The following CCSER1 variants were observed in gnomAD, a reference collection of about 807,000 sequenced individuals.
The protein encoded by CCSER1 is serine-rich coiled-coil domain-containing protein 1.
In CCSER1, 41 loss-of-function variants were observed where a neutral mutation model predicts 82.0. The ratio of observed to expected loss-of-function variants is 0.50; its 90% CI spans 0.39 to 0.65. The LOEUF (loss-of-function observed/expected upper bound fraction) is 0.65. Ranked by LOEUF, CCSER1 falls within the 30% of genes least tolerant of loss-of-function variation. The probability of loss-of-function intolerance (pLI) is 0.00; values close to 1 mark genes in which losing one functional copy is unlikely to be tolerated. For synonymous variants in CCSER1, 414 were observed against 383.9 expected, an observed-to-expected ratio of 1.08 and a Z score of -0.92; for missense variants, 1,119 against 1,064.2, an observed-to-expected ratio of 1.05 and a Z score of -0.72.
intron 10 of CCSER1, among the ~76,000 whole-genome samples, chr4:91,262,140 C>T (rs535073821): frequency 1.2e-4 from 19 of 152,018 alleles, no homozygotes; most frequent in Non-Finnish European, 2.4e-4. Context: ...TGGTGAAGAA[C>T]AAGGGTCTGT....
At chr4:90,535,723 CT>C (rs958579243) in intron 5 of CCSER1, among the ~76,000 whole-genome samples, 32 of 151,434 alleles carry the variant, frequency 2.1e-4, no homozygotes, top group African/African-American at 6.8e-4. Flanking sequence ...ATCACTGAAA[CT>C]TTTTTTTTCT....
At chr4:90,671,170 G>A (rs1732727701) in intron 6 of CCSER1, among the ~76,000 whole-genome samples, 1 of 151,898 alleles carries the variant, frequency 6.6e-6, no homozygotes, top group African/African-American at 2.4e-5. Flanking sequence ...TGCTGATAAG[G>A]GTGATGGCTA....
At chr4:90,267,441 A>G (rs564163186) in intron 1 of CCSER1, among the ~76,000 whole-genome samples, 2 of 152,248 alleles carry the variant, frequency 1.3e-5, no homozygotes, top group East Asian at 3.9e-4. Flanking sequence ...AAAAGAACAC[A>G]AATCTGGCTG....
chr4:90,269,823 A>G (rs1395660160), intron 1 of CCSER1, among the ~76,000 whole-genome samples: 1 of 152,096 alleles, frequency 6.6e-6, no homozygotes, highest in Non-Finnish European at 1.5e-5. Flanking sequence ...AAATAAAACC[A>G]GAGATGAAAA....
At chr4:90,200,781 A>C (rs1165011635) in intron 1 of CCSER1, among the ~76,000 whole-genome samples, 1 of 151,980 alleles carries the variant, frequency 6.6e-6, no homozygotes, top group African/African-American at 2.4e-5. Context: ...ATTGCCTACT[A>C]ATCTACCTTA....
intron 3 of CCSER1, among the ~76,000 whole-genome samples, chr4:90,320,133 C>T (rs1478507763): frequency 1.3e-5 from 2 of 152,054 alleles, no homozygotes; most frequent in African/African-American, 4.8e-5. Flanking sequence ...AGGTTTCAAT[C>T]GTTTAAATGG....
intron 8 of CCSER1, among the ~76,000 whole-genome samples, chr4:90,833,191 A>G (rs1296666356): frequency 6.6e-6 from 1 of 152,194 alleles, no homozygotes; most frequent in East Asian, 1.9e-4. Context: ...CCTGCTTCCA[A>G]GATGACACCT....
chr4:91,251,540 G>A (rs1416000389), intron 10 of CCSER1, among the ~76,000 whole-genome samples: 1 of 152,154 alleles, frequency 6.6e-6, no homozygotes, highest in South Asian at 2.1e-4. Flanking sequence ...AGTTAATCAT[G>A]TAGTTATCTG....
chr4:90,244,575 A>T (rs1372485896), intron 1 of CCSER1, among the ~76,000 whole-genome samples: 1 of 152,190 alleles, frequency 6.6e-6, no homozygotes, highest in African/African-American at 2.4e-5. Context: ...CAGGAAACTT[A>T]TAATTATGGC....
chr4:90,706,362 C>G (rs1739348805), intron 6 of CCSER1, among the ~76,000 whole-genome samples: 1 of 152,166 alleles, frequency 6.6e-6, no homozygotes, highest in Admixed American at 6.5e-5. Context: ...GGGAGGATCT[C>G]TTAAGCCCCA....
chr4:90,474,293 T>C (rs1450187239), intron 5 of CCSER1, among the ~76,000 whole-genome samples: 1 of 152,188 alleles, frequency 6.6e-6, no homozygotes, highest in African/African-American at 2.4e-5. Context: ...CACAGGCTAT[T>C]AGTTAACTAA....
At chr4:91,202,682 C>T (rs576890450) in intron 10 of CCSER1, among the ~76,000 whole-genome samples, 5 of 128,056 alleles carry the variant, frequency 3.9e-5, no homozygotes, top group South Asian at 2.4e-4. Flanking sequence ...AGTCACTGTC[C>T]GTAGACCAAG....
At chr4:90,340,830 C>T (rs1028227187) in intron 3 of CCSER1, among the ~76,000 whole-genome samples, 18 of 151,960 alleles carry the variant, frequency 1.2e-4, no homozygotes, top group African/African-American at 3.1e-4. Context: ...TTTCAGTTAT[C>T]GATGATCCAG....
At chr4:90,929,142 G>A (rs770641622) in intron 9 of CCSER1, among the ~76,000 whole-genome samples, 11 of 151,790 alleles carry the variant, frequency 7.2e-5, no homozygotes, top group Admixed American at 6.6e-4. Context: ...TGTATAATTA[G>A]ACCTCATTGT....
chr4:90,464,595 C>T (rs1299860310), intron 4 of CCSER1, among the ~76,000 whole-genome samples: 1 of 152,184 alleles, frequency 6.6e-6, no homozygotes, highest in Non-Finnish European at 1.5e-5. Context: ...GCACTTCATG[C>T]AATACATTAA....
chr4:90,749,304 C>T (rs1339217055), intron 7 of CCSER1, among the ~76,000 whole-genome samples: 1 of 151,808 alleles, frequency 6.6e-6, no homozygotes, highest in South Asian at 2.1e-4. Context: ...AATCCTTTCC[C>T]CATTGCTTGT....
intron 10 of CCSER1, among the ~76,000 whole-genome samples, chr4:91,175,043 A>G (rs1030961614): frequency 3.9e-5 from 6 of 152,072 alleles, no homozygotes; most frequent in South Asian, 2.1e-4. Context: ...TCATTGGTCA[A>G]TTCCCACCTA....
chr4:90,839,089 C>G, intron 8 of CCSER1: 1 of 1,448,028 alleles, frequency 6.9e-7, no homozygotes, highest in Non-Finnish European at 9.7e-7. Flanking sequence ...GAAGTCTGGT[C>G]TGCGCAGTGG....
At chr4:90,327,535 C>A (rs1738443527) in intron 3 of CCSER1, among the ~76,000 whole-genome samples, 1 of 152,028 alleles carries the variant, frequency 6.6e-6, no homozygotes, top group Non-Finnish European at 1.5e-5. Context: ...CCATCCTATC[C>A]CTCTTTTTCC....
Sources: gnomAD v4.1 joint callset for allele counts (sites outside exome capture counted in the v4.1 genomes callset) on GRCh38, gnomAD v4.1.1 for gene constraint, MANE v1.5 for transcripts, NCBI Gene and HGNC (gene_info 2026-07-23, HGNC 2026-07-21) for gene names.